The following RMND1 variants were observed in gnomAD, a reference collection of about 807,000 sequenced individuals.
RMND1 encodes the protein required for meiotic nuclear division protein 1 homolog.
RMND1 carries 41 observed loss-of-function variants against 54.0 expected under a neutral mutation model. The observed-to-expected ratio is 0.76, with a 90% CI of 0.59 to 0.98. The LOEUF (loss-of-function observed/expected upper bound fraction) is 0.98. Among genes scored for constraint, RMND1 ranks in the 50% least tolerant of loss-of-function variants. RMND1 has a pLI of 0.00. For synonymous variants in RMND1, 183 were observed against 181.7 expected (o/e 1.01, Z -0.06); for missense variants, 457 against 532.0 (o/e 0.86, Z 1.39).
intron 1 of RMND1, among the ~76,000 whole-genome samples, chr6:151,450,384 A>C (rs879000884): frequency 7.5e-6 from 1 of 133,956 alleles, no homozygotes. Context: ...CAGGCCAGCC[A>C]CCCCATCCGG....
intron 4 of RMND1, among the ~76,000 whole-genome samples, chr6:151,431,454 T>G (rs1423951568): frequency 6.6e-6 from 1 of 152,072 alleles, no homozygotes; most frequent in Admixed American, 6.6e-5. Flanking sequence ...GACAATAAGC[T>G]GTTACAATAG....
intron 5 of RMND1, among the ~76,000 whole-genome samples, chr6:151,428,302 G>A (rs1018909017): frequency 6.6e-6 from 1 of 152,054 alleles, no homozygotes; most frequent in Admixed American, 6.6e-5. Context: ...ACATATTTAT[G>A]CTGCTTTTTA....
chr6:151,423,852 T>C (rs1439504745), intron 6 of RMND1, among the ~76,000 whole-genome samples: 2 of 79,138 alleles, frequency 2.5e-5, no homozygotes, highest in Non-Finnish European at 4.6e-5. Flanking sequence ...ACAAGAAAAC[T>C]TTTTTTTTTT....
At chr6:151,429,681 G>A (rs1780400904) in intron 5 of RMND1, among the ~76,000 whole-genome samples, 1 of 152,038 alleles carries the variant, frequency 6.6e-6, no homozygotes, top group Non-Finnish European at 1.5e-5. Flanking sequence ...AAATTACTGG[G>A]TTAAATATAA....
chr6:151,440,635 G>T (rs566896929), intron 2 of RMND1, among the ~76,000 whole-genome samples: 3 of 152,264 alleles, frequency 2.0e-5, no homozygotes, highest in African/African-American at 7.2e-5. Context: ...ATGTCACTCA[G>T]CTTATATGGT....
At chr6:151,407,073 G>C (rs1270088026) in intron 10 of RMND1, among the ~76,000 whole-genome samples, 4 of 152,030 alleles carry the variant, frequency 2.6e-5, no homozygotes, top group Non-Finnish European at 5.9e-5. Flanking sequence ...AGGATTGCTT[G>C]AGCTCAGGTG....
intron 1 of RMND1, among the ~76,000 whole-genome samples, chr6:151,446,556 A>C (rs1780959872): frequency 6.6e-6 from 1 of 152,170 alleles, no homozygotes; most frequent in Non-Finnish European, 1.5e-5. Flanking sequence ...ATTCCAGACA[A>C]GGTAAACAGA....
chr6:151,428,829 T>C (rs1780376912), intron 5 of RMND1, among the ~76,000 whole-genome samples: 1 of 152,156 alleles, frequency 6.6e-6, no homozygotes, highest in Non-Finnish European at 1.5e-5. Flanking sequence ...TTACCACACC[T>C]GGCCCACACT....
At chr6:151,436,760 C>T in intron 2 of RMND1, 1 of 456,474 alleles carries the variant, frequency 2.2e-6, no homozygotes, top group East Asian at 3.4e-5. Context: ...TTGAAAAGAA[C>T]TTGCTCCCTC....
intron 2 of RMND1, 77 bp from the exon 3 acceptor site, chr6:151,436,631 G>T: frequency 1.4e-6 from 2 of 1,411,980 alleles, no homozygotes; most frequent in African/African-American, 1.4e-5. Context: ...CACCCTACTG[G>T]ACTCCATTCT....
chr6:151,419,971 AG>A (rs1267163634), intron 9 of RMND1, among the ~76,000 whole-genome samples: 1 of 138,880 alleles, frequency 7.2e-6, no homozygotes, highest in Admixed American at 6.7e-5. Context: ...ATATAAATTT[AG>A]ATTTAGTTTT....
chr6:151,417,272 T>C lies in RMND1; in HGVS notation c.1200+7A>G. ...TTTTTCTCTCATTAGAAGTGCAAAA[T>C]ACGTACCTTAACTCTTCGGCCAATG... On this transcript the variant is annotated splice_region_variant and intron_variant, in intron 10 of 11. Coordinates refer to ENST00000444024, the MANE Select transcript of RMND1 (RefSeq NM_017909.4). 1.2e-6 allele frequency: 2 copies of C among 1,601,842 alleles called. No homozygotes were observed. Among genetic ancestry groups the C allele is most frequent in the East Asian group, 2.2e-5 (1 of 44,812 alleles).
At chr6:151,440,803 G>A (rs976404309) in intron 2 of RMND1, among the ~76,000 whole-genome samples, 2 of 152,180 alleles carry the variant, frequency 1.3e-5, no homozygotes, top group Non-Finnish European at 2.9e-5. Flanking sequence ...AAAGGAAAGA[G>A]AATCATGGAA....
chr6:151,408,158 A>G (rs1317828813), intron 10 of RMND1, among the ~76,000 whole-genome samples: 1 of 152,050 alleles, frequency 6.6e-6, no homozygotes, highest in Non-Finnish European at 1.5e-5. Context: ...AAGCATAGCT[A>G]GATTGTGGAC....
chr6:151,432,727 AG>A (rs1250850888), intron 4 of RMND1, among the ~76,000 whole-genome samples: 1 of 152,118 alleles, frequency 6.6e-6, no homozygotes, highest in African/African-American at 2.4e-5. Context: ...ACCTCTGGAG[AG>A]GTAAGCTAAA....
intron 2 of RMND1, among the ~76,000 whole-genome samples, chr6:151,441,137 G>A (rs978246930): frequency 1.3e-5 from 2 of 152,152 alleles, no homozygotes; most frequent in Admixed American, 6.5e-5. Context: ...CAGCAGATGG[G>A]GCTAGAAATC....
chr6:151,405,419 G>C, intron 11 of RMND1, 152 bp from the exon 12 acceptor site: 1 of 703,532 alleles, frequency 1.4e-6, no homozygotes, highest in East Asian at 2.7e-5. Context: ...GGAGGTACGG[G>C]TGCTTGATTT....
chr6:151,438,575 A>C (rs1469516991), intron 2 of RMND1, among the ~76,000 whole-genome samples: 1 of 152,178 alleles, frequency 6.6e-6, no homozygotes, highest in African/African-American at 2.4e-5. Flanking sequence ...TCTAAAATTC[A>C]AATTGACTTG....
At chr6:151,406,214 C>T (rs775795954) in intron 10 of RMND1, among the ~76,000 whole-genome samples, 6 of 152,120 alleles carry the variant, frequency 3.9e-5, no homozygotes, top group Admixed American at 3.9e-4. Flanking sequence ...TAACATTTGA[C>T]CTGCTGTACA....
Sources: allele counts gnomAD v4.1 joint callset (sites outside exome capture counted in the v4.1 genomes callset), GRCh38; gene constraint gnomAD v4.1.1; transcripts MANE v1.5; gene names NCBI Gene and HGNC (gene_info 2026-07-23, HGNC 2026-07-21).